Variants in ANK3 observed in about 807,000 individuals in gnomAD.
The protein encoded by ANK3 is ankyrin 3.
ANK3 carries 57 observed loss-of-function variants against 370.9 expected under a neutral mutation model. The ratio of observed to expected loss-of-function variants is 0.15; its 90% CI spans 0.12 to 0.19. The LOEUF is 0.19. Among genes scored for constraint, ANK3 ranks in the 10% least tolerant of loss-of-function variants. ANK3 has a pLI of 1.00. For missense variants in ANK3, 4,439 were observed against 5,302.1 expected, an observed-to-expected ratio of 0.84 and a Z score of 5.06; for synonymous variants, 1,929 against 1,946.3, an observed-to-expected ratio of 0.99 and a Z score of 0.23.
rs180696009 is a variant in ANK3, at chr10:60,673,097, C to A, written c.58-57873G>T. 2.0e-3 allele frequency among the ~76,000 whole-genome samples: 303 copies of A among 150,478 alleles called. 1 individual carries two copies. Among genetic ancestry groups the A allele is most frequent in the African/African-American group, 7.0e-3 (288 of 41,012 alleles). On this transcript the variant is annotated intron_variant, in intron 1 of 43. Transcript: ENST00000373827. Reference sequence around the variant, plus strand: ...GTAGATGAGGACCATCTATCTAAAACCTATAAAAGGTAAAAGAGTTCATGT... The same window carrying A: ...GTAGATGAGGACCATCTATCTAAAAACTATAAAAGGTAAAAGAGTTCATGT...
At chr10:60,267,913 G>A (rs1255388397) in intron 5 of ANK3, among the ~76,000 whole-genome samples, 1 of 152,138 alleles carries the variant, frequency 6.6e-6, no homozygotes, top group African/African-American at 2.4e-5. Context: ...TCCCCTGTCC[G>A]CTAGGACACA....
At chr10:60,082,013 T>C (rs2085401886) in intron 35 of ANK3, 137 bp downstream of exon 35, 1 of 569,132 alleles carries the variant, frequency 1.8e-6, no homozygotes, top group East Asian at 3.0e-5. Context: ...AAGAAAAATA[T>C]ATACCCTTTT....
At chr10:60,710,148 C>CTATAAGAGAG (rs1445383620) in intron 1 of ANK3, among the ~76,000 whole-genome samples, 7 of 152,078 alleles carry the variant, frequency 4.6e-5, no homozygotes, top group Admixed American at 3.3e-4. Context: ...TACATAAGAA[C>CTATAAGAGAG]TATAAGAGAG....
chr10:60,618,170 T>C (rs1471875846), intron 1 of ANK3, among the ~76,000 whole-genome samples: 1 of 152,170 alleles, frequency 6.6e-6, no homozygotes, highest in Non-Finnish European at 1.5e-5. Context: ...CCACGTTATC[T>C]GGTTCCAGTG....
At chr10:60,662,396 C>T (rs1305016710) in intron 1 of ANK3, among the ~76,000 whole-genome samples, 1 of 152,102 alleles carries the variant, frequency 6.6e-6, no homozygotes, top group Non-Finnish European at 1.5e-5. Context: ...TAATACTTTG[C>T]TAATCTTTCT....
chr10:60,233,832 C>T (rs371289204), intron 8 of ANK3, among the ~76,000 whole-genome samples: 1 of 152,214 alleles, frequency 6.6e-6, no homozygotes. Flanking sequence ...CACATTCACA[C>T]TGTTGTGTAA....
chr10:60,030,762 A>G (rs1306527579), intron 43 of ANK3, among the ~76,000 whole-genome samples: 1 of 152,156 alleles, frequency 6.6e-6, no homozygotes, highest in African/African-American at 2.4e-5. Flanking sequence ...TCAAGTGGCA[A>G]TACACCTTTC....
intron 16 of ANK3, among the ~76,000 whole-genome samples, chr10:60,193,652 T>A (rs999927535): frequency 6.7e-5 from 10 of 148,622 alleles, no homozygotes; most frequent in East Asian, 2.0e-4. Context: ...AAAAAAAAAA[T>A]TATTTGTGAG....
intron 1 of ANK3, among the ~76,000 whole-genome samples, chr10:60,356,742 T>C (rs2057806353): frequency 1.3e-5 from 2 of 152,188 alleles, no homozygotes; most frequent in Non-Finnish European, 2.9e-5. Context: ...GGAGTCTCAC[T>C]GTGTGACCCA....
At chr10:60,088,116 AC>A in intron 29 of ANK3, 30 bp downstream of exon 29, 1 of 1,584,554 alleles carries the variant, frequency 6.3e-7, no homozygotes. Context: ...CTCTGCGCAT[AC>A]TGAGGGAAAC....
chr10:60,381,889 C>T lies in ANK3; in HGVS notation c.114+7536G>A, dbSNP rs145219034. Among the ~76,000 whole-genome samples, 76 of 152,260 alleles carry T rather than the reference C, an allele frequency of 5.0e-4. No homozygotes were observed. In the East Asian group the frequency reaches 0.011, roughly 23 times the overall value. ...TGTGAACTCACATTGAGCCTCAAGG[C>T]CCATTCTCTTCAATACCATGAATTG... On this transcript the variant is annotated intron_variant, in intron 1 of 43. Coordinates refer to ENST00000280772, the MANE Select transcript of ANK3 (RefSeq NM_020987.5).
chr10:60,277,535 T>A (rs931792414), intron 4 of ANK3, among the ~76,000 whole-genome samples: 2 of 152,224 alleles, frequency 1.3e-5, no homozygotes, highest in Non-Finnish European at 2.9e-5. Flanking sequence ...AAAAAGACCA[T>A]CTTTTGGAAG....
intron 1 of ANK3, among the ~76,000 whole-genome samples, chr10:60,669,958 G>T (rs1011335367): frequency 5.3e-5 from 8 of 152,064 alleles, no homozygotes; most frequent in Non-Finnish European, 1.0e-4. Flanking sequence ...AAGTAGCTGG[G>T]ACCACAGGTG....
chr10:60,677,264 G>C (rs558926413), intron 1 of ANK3, among the ~76,000 whole-genome samples: 2 of 152,292 alleles, frequency 1.3e-5, no homozygotes, highest in African/African-American at 4.8e-5. Flanking sequence ...CCACAATTTA[G>C]TGAGACACAC....
chr10:60,447,629 T>C (rs61847646), intron 2 of ANK3, among the ~76,000 whole-genome samples: 15,347 of 152,148 alleles, frequency 0.1, 1,111 homozygotes, highest in East Asian at 0.23. Flanking sequence ...AAATGCACCA[T>C]GCCAAGATTT....
At chr10:60,564,407 C>G (rs548389637) in intron 2 of ANK3, among the ~76,000 whole-genome samples, 2 of 152,248 alleles carry the variant, frequency 1.3e-5, no homozygotes, top group African/African-American at 4.8e-5. Context: ...GGTTATTTGC[C>G]TGTAGAGCAG....
In ANK3 at chr10:60,172,830, G is replaced by GT. The variant is rs1489108921; in HGVS notation, c.2382+69dup. On this transcript the variant is annotated intron_variant, in intron 20 of 43. Coordinates refer to ENST00000280772, the MANE Select transcript of ANK3 (RefSeq NM_020987.5). ...TCTTCATGAAAGTACAATGAAAAAC[G>GT]TAAGAAGACACCAGAGTCCAGGCCC... 6.7e-5 allele frequency: 64 copies of GT among 958,088 alleles called. No homozygotes were observed. The African/African-American group carries it at 8.7e-4, about 13-fold the overall frequency. 59.3% of individuals were successfully genotyped at this position (958,088 alleles called of 1,614,324 possible). A position where few individuals can be genotyped will look rare whatever the true frequency, so the allele number is the denominator to read the frequency against.
chr10:60,411,267 C>T (rs1218127369), intron 2 of ANK3, among the ~76,000 whole-genome samples: 2 of 152,156 alleles, frequency 1.3e-5, no homozygotes, highest in Non-Finnish European at 2.9e-5. Context: ...CAGTTATGTT[C>T]GGGGTTCAGA....
chr10:60,671,329 G>A (rs953661554), intron 1 of ANK3, among the ~76,000 whole-genome samples: 1 of 151,872 alleles, frequency 6.6e-6, no homozygotes, highest in Non-Finnish European at 1.5e-5. Flanking sequence ...CTTTCTGGAG[G>A]TCCCTACACA....
Sources: allele counts gnomAD v4.1 joint callset (sites outside exome capture counted in the v4.1 genomes callset), GRCh38; gene constraint gnomAD v4.1.1; transcripts MANE v1.5; gene names NCBI Gene and HGNC (gene_info 2026-07-23, HGNC 2026-07-21).